NDUFAF6: variants seen among roughly 807,000 people sequenced by gnomAD.
The protein encoded by NDUFAF6 is NADH dehydrogenase (ubiquinone) complex I, assembly factor 6.
In NDUFAF6, 45 loss-of-function variants were observed where a neutral mutation model predicts 40.8. The observed-to-expected ratio is 1.10, with a 90% confidence interval of 0.87 to 1.42. The LOEUF is 1.42. Ranked by LOEUF, NDUFAF6 falls within the 40% of genes most tolerant of loss-of-function variation. The pLI is 0.00. For synonymous variants in NDUFAF6, 185 were observed against 155.9 expected (o/e 1.19, Z -1.39); for missense variants, 435 against 418.5 (o/e 1.04, Z -0.34).
intron 2 of NDUFAF6, among the ~76,000 whole-genome samples, chr8:94,992,780 T>A (rs1295028424): frequency 6.6e-6 from 1 of 152,220 alleles, no homozygotes; most frequent in Non-Finnish European, 1.5e-5. Context: ...AATTCTCTGA[T>A]CCTTTACCAT....
At chr8:94,985,515 ATTTTTTTTTTTTT>A (rs1200345448) in intron 2 of NDUFAF6, among the ~76,000 whole-genome samples, 9 of 6,600 alleles carry the variant, frequency 1.4e-3, no homozygotes, top group Admixed American at 3.3e-3. Context: ...ATATATATAT[ATTTTTTTTTTTTT>A]TTTTTTTTTT....
intron 1 of NDUFAF6, among the ~76,000 whole-genome samples, chr8:94,901,623 C>A (rs951553692): frequency 6.6e-6 from 1 of 152,092 alleles, no homozygotes; most frequent in Non-Finnish European, 1.5e-5. Flanking sequence ...GCCCTGTCAC[C>A]CAGGCTGGAG....
chr8:95,075,714 T>G (rs760812108), exon 10 of NDUFAF6: 2 of 1,287,470 alleles, frequency 1.6e-6, no homozygotes, highest in African/African-American at 1.5e-5. Flanking sequence ...GGGAGAGAGA[T>G]TTGAAGGACT....
At chr8:94,988,095 C>T (rs1826018275) in intron 2 of NDUFAF6, among the ~76,000 whole-genome samples, 1 of 152,200 alleles carries the variant, frequency 6.6e-6, no homozygotes, top group Non-Finnish European at 1.5e-5. Flanking sequence ...ATTGGTGTAT[C>T]CACCACTAAG....
At chr8:95,017,012 C>T (rs1028061851) in intron 2 of NDUFAF6, among the ~76,000 whole-genome samples, 9 of 148,978 alleles carry the variant, frequency 6.0e-5, no homozygotes, top group African/African-American at 1.7e-4. Context: ...TGGCTCACTG[C>T]GGCCTCAACT....
At chr8:94,910,524 C>T (rs7017487) in intron 1 of NDUFAF6, among the ~76,000 whole-genome samples, 93,153 of 152,030 alleles carry the variant, frequency 0.61, 29,455 homozygotes, top group East Asian at 0.79. Context: ...TCTCTGATAC[C>T]TCCTCGTGTA....
rs1229248516 is a variant in NDUFAF6, at chr8:95,069,421, A to G, written c.*512-6212A>G. Among the ~76,000 whole-genome samples the G allele has an allele frequency of 2.0e-5, 3 of 152,018 alleles. No homozygotes were observed. In the East Asian group the frequency reaches 5.8e-4, roughly 29 times the overall value. ...CTGCTACCACCTTATATGCACTCGTATGATGGTTTGCTTTAAAGCTCTGCT... is the reference window on the plus strand; with the variant it reads ...CTGCTACCACCTTATATGCACTCGTGTGATGGTTTGCTTTAAAGCTCTGCT... On this transcript the variant is annotated intron_variant and NMD_transcript_variant, in intron 9 of 9. Transcript: ENST00000520757.
chr8:95,078,275 T>A (rs146786638), downstream of NDUFAF6, among the ~76,000 whole-genome samples: 781 of 152,212 alleles, frequency 5.1e-3, 6 homozygotes, highest in African/African-American at 0.018. Context: ...TGTGGAGAAC[T>A]TCTGTGGTTT....
At chr8:94,920,217 G>C (rs1315505012) in intron 1 of NDUFAF6, among the ~76,000 whole-genome samples, 1 of 152,092 alleles carries the variant, frequency 6.6e-6, no homozygotes, top group Non-Finnish European at 1.5e-5. Context: ...TCGGTGTCTT[G>C]GATCACAGAT....
upstream of NDUFAF6, among the ~76,000 whole-genome samples, chr8:95,022,298 T>A (rs563617926): frequency 1.8e-4 from 28 of 151,610 alleles, no homozygotes; most frequent in Non-Finnish European, 8.8e-5. Context: ...TAAACAAGAA[T>A]GGCCAGGAAG....
In NDUFAF6 at chr8:95,035,531, C is replaced by T. The variant is rs1463130744; in HGVS notation, c.375C>T (p.Tyr125=). ...QFWKKTVEDI[Y]CDNPPHQPVA... ...GGAAAAAAACTGTGGAAGATATATACTGTGACAATCCACCACATCAGCCTG... is the reference window on the plus strand; with the variant it reads ...GGAAAAAAACTGTGGAAGATATATATTGTGACAATCCACCACATCAGCCTG... The change falls in exon 3 of 9, where the codon TAC becomes TAT. Residue 125 remains tyrosine (Y), a synonymous_variant. Coordinates refer to ENST00000396124, the MANE Select transcript of NDUFAF6 (RefSeq NM_152416.4). The T allele has an allele frequency of 1.2e-6, 2 of 1,612,906 alleles. No homozygotes were observed. Among genetic ancestry groups the T allele is most frequent in the Non-Finnish European group, 8.5e-7 (1 of 1,179,632 alleles).
chr8:95,021,409 T>G (rs1201447241), upstream of NDUFAF6, among the ~76,000 whole-genome samples: 1 of 152,260 alleles, frequency 6.6e-6, no homozygotes, highest in African/African-American at 2.4e-5. Context: ...CCTTCAGTTA[T>G]GCAATAGAAT....
At chr8:94,921,027 T>C (rs1272153449) in intron 1 of NDUFAF6, among the ~76,000 whole-genome samples, 1 of 152,202 alleles carries the variant, frequency 6.6e-6, no homozygotes, top group Non-Finnish European at 1.5e-5. Flanking sequence ...TAAAGTCCTC[T>C]ACTGGATGCC....
At chr8:95,072,231 A>ACC (rs1374355643) in intron 9 of NDUFAF6, among the ~76,000 whole-genome samples, 2 of 151,670 alleles carry the variant, frequency 1.3e-5, no homozygotes, top group African/African-American at 4.9e-5. Context: ...ACTTCGCAGC[A>ACC]CCCCCAGACC....
intron 1 of NDUFAF6, among the ~76,000 whole-genome samples, chr8:94,965,134 G>A (rs1406309688): frequency 6.6e-6 from 1 of 152,220 alleles, no homozygotes; most frequent in African/African-American, 2.4e-5. Flanking sequence ...CGGCCCTGAG[G>A]CTGAGAACAG....
downstream of NDUFAF6, among the ~76,000 whole-genome samples, chr8:95,104,842 A>C (rs1215898039): frequency 1.3e-5 from 2 of 152,072 alleles, no homozygotes; most frequent in African/African-American, 2.4e-5. Flanking sequence ...GTCAGCACTG[A>C]TCATGTGGCC....
rs574456580 is a variant in NDUFAF6, at chr8:94,927,733, A to C, written c.-935-17750A>C. ...TTTGAGAAACATGGCGCACTATAAA[A>C]GCTAAGAAACTCATTCACGAAGCAC... On this transcript the variant is annotated intron_variant, in intron 1 of 14. Coordinates refer to the NDUFAF6 transcript ENST00000396113. 78 of 152,634 alleles carry C rather than the reference A, an allele frequency of 5.1e-4. 1 individual carries two copies. Among genetic ancestry groups the C allele is most frequent in the African/African-American group, 1.8e-3 (75 of 41,578 alleles). The allele number at this position is 152,634 out of a possible 1,614,324, so 9.5% of individuals were successfully genotyped here.
At chr8:95,111,123 G>T (rs535880996) in intron 4 of NDUFAF6, among the ~76,000 whole-genome samples, 100 of 152,212 alleles carry the variant, frequency 6.6e-4, no homozygotes, top group Non-Finnish European at 1.2e-3. Context: ...GGTAGCCAGC[G>T]AACTCAAGAC....
chr8:94,935,427 T>C lies in NDUFAF6; in HGVS notation c.-935-10056T>C, dbSNP rs369010085. Among the ~76,000 whole-genome samples the C allele has an allele frequency of 8.5e-5, 13 of 152,224 alleles. No homozygotes were observed. In the East Asian group the frequency reaches 1.5e-3, roughly 18 times the overall value. On this transcript the variant is annotated intron_variant, in intron 1 of 14. Transcript: ENST00000396113. ...AGCAATCTCAGATATTTCCTAGCTATATTCTCTGGACAAAGGTCATATGAT... is the reference window on the plus strand; with the variant it reads ...AGCAATCTCAGATATTTCCTAGCTACATTCTCTGGACAAAGGTCATATGAT...
Sources: gnomAD v4.1 joint callset for allele counts (sites outside exome capture counted in the v4.1 genomes callset) on GRCh38, gnomAD v4.1.1 for gene constraint, MANE v1.5 for transcripts, NCBI Gene and HGNC (gene_info 2026-07-23, HGNC 2026-07-21) for gene names.